RAD51B: variants seen among roughly 807,000 people sequenced by gnomAD.
The protein encoded by RAD51B is RAD51 paralog B.
A neutral mutation model predicts 42.2 loss-of-function variants in RAD51B; 38 were observed. That is an observed-to-expected ratio of 0.90 (90% CI 0.70 to 1.18). The LOEUF is 1.18. RAD51B is among the 50% of genes most tolerant of loss of function. RAD51B has a pLI of 0.00. For synonymous variants in RAD51B, 154 were observed against 145.2 expected, an observed-to-expected ratio of 1.06 and a Z score of -0.43; for missense variants, 373 against 400.7, an observed-to-expected ratio of 0.93 and a Z score of 0.59.
chr14:68,450,544 C>T (rs1566891717), intron 9 of RAD51B, among the ~76,000 whole-genome samples: 1 of 152,098 alleles, frequency 6.6e-6, no homozygotes, highest in Non-Finnish European at 1.5e-5. Flanking sequence ...ACTATATCTT[C>T]TGAACTTGCC....
chr14:68,272,661 ATATATTTTTTTTTTTTTTTTTTTT>A (rs2081138253), intron 7 of RAD51B, among the ~76,000 whole-genome samples: 1 of 16,864 alleles, frequency 5.9e-5, no homozygotes, highest in South Asian at 2.5e-3. Context: ...ATATATATAT[ATATATTTTTTTTTTTTTTTTTTTT>A]TTTTTTTTTT....
intron 7 of RAD51B, among the ~76,000 whole-genome samples, chr14:68,286,110 A>C (rs2081410707): frequency 6.6e-6 from 1 of 152,250 alleles, no homozygotes; most frequent in Admixed American, 6.5e-5. Context: ...AGACCATGAC[A>C]TTAAGGCCTG....
In RAD51B at chr14:68,261,259, A is replaced by G. The variant is rs189046787; in HGVS notation, c.757-30625A>G. ...GAAATCTTCTTTTGTTCCTGCCACAAGGCAAAAACAGGAAAAGAGATCTGT... is the reference window on the plus strand; with the variant it reads ...GAAATCTTCTTTTGTTCCTGCCACAGGGCAAAAACAGGAAAAGAGATCTGT... On this transcript the variant is annotated intron_variant, in intron 7 of 10. Coordinates refer to ENST00000471583, the MANE Select transcript of RAD51B (RefSeq NM_133510.4). Among the ~76,000 whole-genome samples, 576 of 152,358 alleles carry G rather than the reference A, an allele frequency of 3.8e-3. 2 individuals carry two copies. The highest frequency in any genetic ancestry group is 5.7e-3 in the Non-Finnish European group (390 of 68,032).
chr14:68,531,164 A>C (rs907159049), intron 10 of RAD51B, among the ~76,000 whole-genome samples: 1 of 152,002 alleles, frequency 6.6e-6, no homozygotes, highest in African/African-American at 2.4e-5. Flanking sequence ...AAAGACAAAA[A>C]AAAAATGAAA....
rs535298752 is a variant in RAD51B at position 68,047,964 on chromosome 14, A to G, written c.756+160760A>G. ...TTATCTAGTGTTTAGTGTGTCAACA[A>G]GTTCTAAATTGTGGAAAAGTCTTAT... On this transcript the variant is annotated intron_variant, in intron 7 of 10. Coordinates refer to ENST00000471583, the MANE Select transcript of RAD51B (RefSeq NM_133510.4). Among the ~76,000 whole-genome samples, 4 of 152,316 alleles carry G rather than the reference A, an allele frequency of 2.6e-5. No individual in the cohort carries two copies. In the East Asian group the frequency reaches 7.7e-4, roughly 29 times the overall value.
chr14:67,959,068 A>G (rs2074606258), intron 7 of RAD51B, among the ~76,000 whole-genome samples: 1 of 152,162 alleles, frequency 6.6e-6, no homozygotes, highest in Non-Finnish European at 1.5e-5. Flanking sequence ...GTATTAACCC[A>G]TTATAAATGA....
intron 11 of RAD51B, among the ~76,000 whole-genome samples, chr14:68,674,465 A>G (rs1156589216): frequency 6.6e-6 from 1 of 151,958 alleles, no homozygotes; most frequent in Non-Finnish European, 1.5e-5. Flanking sequence ...ATGAGGAGGT[A>G]TATAGAAGTC....
chr14:67,941,357 C>T (rs2045200820), intron 7 of RAD51B, among the ~76,000 whole-genome samples: 1 of 152,194 alleles, frequency 6.6e-6, no homozygotes, highest in Admixed American at 6.5e-5. Flanking sequence ...GGTTACCTGA[C>T]ACCCTTGCAT....
At chr14:67,891,758 AAAAT>A (rs2043226085) in intron 7 of RAD51B, among the ~76,000 whole-genome samples, 1 of 152,134 alleles carries the variant, frequency 6.6e-6, no homozygotes, top group African/African-American at 2.4e-5. Flanking sequence ...TCAAAATAGA[AAAAT>A]AAGAAACTAG....
chr14:67,989,660 AAG>A (rs1344917691), intron 7 of RAD51B, among the ~76,000 whole-genome samples: 1 of 150,154 alleles, frequency 6.7e-6, no homozygotes, highest in African/African-American at 2.5e-5. Context: ...AAAAAAAAGA[AAG>A]AAAGAAAAAA....
At chr14:68,000,293 C>T (rs1402280450) in intron 7 of RAD51B, 2 of 152,092 alleles carry the variant, frequency 1.3e-5, no homozygotes, top group Admixed American at 6.6e-5. Context: ...AATTGCTTTT[C>T]TCTGTTATCT....
intron 8 of RAD51B, among the ~76,000 whole-genome samples, chr14:68,347,658 C>T (rs1231576395): frequency 3.3e-5 from 5 of 152,164 alleles, no homozygotes; most frequent in Admixed American, 6.5e-5. Flanking sequence ...GATGACAGAG[C>T]GAGACCCTGT....
chr14:68,004,074 T>C (rs553863007), intron 7 of RAD51B, among the ~76,000 whole-genome samples: 24 of 152,292 alleles, frequency 1.6e-4, no homozygotes, highest in African/African-American at 5.5e-4. Flanking sequence ...TATATTGCTG[T>C]AATCCCAGCA....
rs778740537 is a variant in RAD51B at position 68,468,259 on chromosome 14, C to G, written c.1036+9C>G. ...AGGCCTGGTTCTTCAAGGTAAGATC[C>G]TTGGATTAAGCCATTTCTTTAAGCT... On this transcript the variant is annotated intron_variant, in intron 10 of 10. Transcript: ENST00000471583. 6.2e-7 allele frequency: 1 copy of G among 1,608,862 alleles called. No homozygotes were observed. The highest frequency in any genetic ancestry group is 8.5e-7 in the Non-Finnish European group (1 of 1,175,252).
chr14:68,177,860 A>G (rs2078990944), intron 7 of RAD51B, among the ~76,000 whole-genome samples: 1 of 152,154 alleles, frequency 6.6e-6, no homozygotes, highest in Non-Finnish European at 1.5e-5. Flanking sequence ...TGCTAAGCAT[A>G]CTTTAAAGAA....
At chr14:67,917,777 T>C (rs1672510254) in intron 7 of RAD51B, among the ~76,000 whole-genome samples, 1 of 152,136 alleles carries the variant, frequency 6.6e-6, no homozygotes, top group African/African-American at 2.4e-5. Flanking sequence ...AGGAACACTG[T>C]GGACAGAGCA....
At chr14:67,849,585 A>T (rs1299338464) in intron 4 of RAD51B, among the ~76,000 whole-genome samples, 1 of 152,028 alleles carries the variant, frequency 6.6e-6, no homozygotes, top group Admixed American at 6.5e-5. Flanking sequence ...ACCTGGCCTA[A>T]AATTGTTTTT....
intron 1 of RAD51B, among the ~76,000 whole-genome samples, chr14:67,820,576 C>A (rs2040593121): frequency 1.3e-5 from 2 of 151,950 alleles, no homozygotes; most frequent in African/African-American, 4.8e-5. Flanking sequence ...TGGGGGCAAA[C>A]AAACTTGCAA....
chr14:67,833,975 T>C (rs570099247), intron 3 of RAD51B, among the ~76,000 whole-genome samples: 1 of 152,362 alleles, frequency 6.6e-6, no homozygotes, highest in Admixed American at 6.5e-5. Flanking sequence ...GTTGTATTAG[T>C]TTCCTGTGGC....
Sources: allele counts gnomAD v4.1 joint callset (sites outside exome capture counted in the v4.1 genomes callset), GRCh38; gene constraint gnomAD v4.1.1; transcripts MANE v1.5; gene names NCBI Gene and HGNC (gene_info 2026-07-23, HGNC 2026-07-21).